SLC24A4: variants seen among roughly 807,000 people sequenced by gnomAD.
SLC24A4 encodes the protein solute carrier family 24 member 4.
In SLC24A4, 53 loss-of-function variants were observed where a neutral mutation model predicts 79.0. The observed-to-expected ratio is 0.67, with a 90% CI of 0.54 to 0.84. The LOEUF (loss-of-function observed/expected upper bound fraction) is 0.84. SLC24A4 is among the 40% of genes least tolerant of loss of function. SLC24A4 has a pLI of 0.00. For synonymous variants in SLC24A4, 323 were observed against 323.8 expected (o/e 1.00, Z 0.03); for missense variants, 731 against 822.0 (o/e 0.89, Z 1.35).
At chr14:92,415,893 G>A (rs957829735) in intron 2 of SLC24A4, among the ~76,000 whole-genome samples, 3 of 152,082 alleles carry the variant, frequency 2.0e-5, no homozygotes, top group African/African-American at 7.2e-5. Flanking sequence ...CACTGAACCC[G>A]ATTTGTAACC....
chr14:92,412,880 G>A (rs1398487646), intron 2 of SLC24A4, among the ~76,000 whole-genome samples: 1 of 152,132 alleles, frequency 6.6e-6, no homozygotes, highest in East Asian at 1.9e-4. Flanking sequence ...GCCAAAAATG[G>A]TTTCTACGTT....
rs199580422 is a variant in SLC24A4 at position 92,486,705 on chromosome 14, A to T, written c.1462A>T (p.Ile488Phe). 177 of 1,614,018 alleles carry T rather than the reference A, an allele frequency of 1.1e-4. No individual in the cohort carries two copies. The highest frequency in any genetic ancestry group is 1.4e-4 in the Non-Finnish European group (163 of 1,180,004). ...IGYTLGIPDV[I>F]MGITFLAAGT... Reference sequence around the variant, plus strand: ...ATACACACTTGGGATCCCGGATGTCATCATGGGCATTACTTTCCTGGCAGC... The same window carrying T: ...ATACACACTTGGGATCCCGGATGTCTTCATGGGCATTACTTTCCTGGCAGC... Residue 488 changes from isoleucine (I) to phenylalanine (F), a missense_variant, in exon 14 of 17, where the codon ATC (isoleucine) becomes TTC (phenylalanine). Physicochemically the swap from Ile to Phe is conservative, Grantham distance 21. Transcript: ENST00000532405.
chr14:92,347,141 C>T (rs868015178), intron 2 of SLC24A4, among the ~76,000 whole-genome samples: 4 of 152,190 alleles, frequency 2.6e-5, no homozygotes, highest in Non-Finnish European at 5.9e-5. Context: ...GGCCCTTCAG[C>T]GGGTTCTGAT....
At chr14:92,363,704 T>A (rs1295412005) in intron 2 of SLC24A4, among the ~76,000 whole-genome samples, 2 of 151,992 alleles carry the variant, frequency 1.3e-5, no homozygotes, top group Non-Finnish European at 2.9e-5. Flanking sequence ...GTGGCACGCA[T>A]CTGTGGTCTC....
intron 2 of SLC24A4, among the ~76,000 whole-genome samples, chr14:92,399,506 A>G (rs1330862646): frequency 6.6e-6 from 1 of 152,238 alleles, no homozygotes; most frequent in Non-Finnish European, 1.5e-5. Context: ...ATGTTACCTA[A>G]GGGAGAAATC....
chr14:92,438,441 T>C (rs2402147), intron 3 of SLC24A4, among the ~76,000 whole-genome samples: 3,356 of 152,048 alleles, frequency 0.022, 109 homozygotes, highest in African/African-American at 0.07. Context: ...CCCCCCGCCA[T>C]CTCTACAAAA....
intron 7 of SLC24A4, 59 bp from the exon 8 acceptor site, chr14:92,445,258 T>C: frequency 5.6e-6 from 9 of 1,604,710 alleles, no homozygotes; most frequent in Non-Finnish European, 7.7e-6. Context: ...TCCGTGCTTG[T>C]TCTTGTTTGG....
intron 7 of SLC24A4, among the ~76,000 whole-genome samples, chr14:92,443,699 C>T (rs767748864): frequency 6.6e-6 from 1 of 152,214 alleles, no homozygotes; most frequent in Non-Finnish European, 1.5e-5. Context: ...CCACAGAAAG[C>T]AGGAGAGAAT....
intron 2 of SLC24A4, among the ~76,000 whole-genome samples, chr14:92,400,142 A>G (rs1461632862): frequency 6.6e-6 from 1 of 152,158 alleles, no homozygotes; most frequent in African/African-American, 2.4e-5. Flanking sequence ...GATAAACTGG[A>G]AAAAATCAGA....
chr14:92,397,969 T>C (rs1261929355), intron 2 of SLC24A4, among the ~76,000 whole-genome samples: 1 of 152,186 alleles, frequency 6.6e-6, no homozygotes, highest in Non-Finnish European at 1.5e-5. Context: ...CCCCTCCCAG[T>C]GTCCTCACTG....
At chr14:92,448,345 TACACACACACACACAC>T (rs71877757) in intron 9 of SLC24A4, among the ~76,000 whole-genome samples, 3 of 131,952 alleles carry the variant, frequency 2.3e-5, no homozygotes, top group East Asian at 2.2e-4. Flanking sequence ...TCCCACTACA[TACACACACACACACAC>T]ACACACACAC....
At position 92,498,890 on chromosome 14, in the gene SLC24A4, GT is replaced by G. The variant is rs1896033554; in HGVS notation, c.*5263del. The G allele has an allele frequency of 6.6e-6, 1 of 152,276 alleles. No individual in the cohort carries two copies. Among genetic ancestry groups the G allele is most frequent in the Non-Finnish European group, 1.5e-5 (1 of 68,064 alleles). The allele number at this position is 152,276 out of a possible 1,614,324, so 9.4% of individuals were successfully genotyped here. A position where few individuals can be genotyped will look rare whatever the true frequency, so the allele number is the denominator to read the frequency against. ...AGTTTTGTGCTCAGCTTTAGGCCGG[GT>G]AGCTAATGGGAGGATGTCCAGCCTG... On this transcript the variant is annotated 3_prime_UTR_variant, in exon 17 of 17. Coordinates refer to ENST00000532405, the MANE Select transcript of SLC24A4 (RefSeq NM_153646.4).
chr14:92,433,899 T>G lies in SLC24A4; in HGVS notation c.242-13T>G, dbSNP rs757669595. 1 of 1,613,030 alleles carries G rather than the reference T, an allele frequency of 6.2e-7. No homozygotes were observed. The highest frequency in any genetic ancestry group is 8.5e-7 in the Non-Finnish European group (1 of 1,179,016). On this transcript the variant is annotated splice_polypyrimidine_tract_variant and intron_variant, in intron 2 of 16. Transcript: ENST00000532405. ...AGATAACTAACACTCTGCCATCTCT[T>G]CCTGTCTTCCAGCGATTCACGAGTT... is the stretch of plus-strand genomic sequence containing the variant.
At chr14:92,332,956 G>A (rs1885562058) in intron 2 of SLC24A4, among the ~76,000 whole-genome samples, 1 of 152,138 alleles carries the variant, frequency 6.6e-6, no homozygotes, top group African/African-American at 2.4e-5. Flanking sequence ...GATGCTGGAG[G>A]ATGGCCTACC....
At chr14:92,360,061 G>GGTGT in intron 2 of SLC24A4, among the ~76,000 whole-genome samples, 2 of 152,274 alleles carry the variant, frequency 1.3e-5, no homozygotes, top group East Asian at 3.9e-4. Flanking sequence ...TAAGATTATA[G>GGTGT]GTGTGCACCA....
chr14:92,470,334 C>T (rs1894368581), intron 12 of SLC24A4, among the ~76,000 whole-genome samples: 1 of 152,188 alleles, frequency 6.6e-6, no homozygotes, highest in South Asian at 2.1e-4. Context: ...CAGGTCCATG[C>T]AAATCTACTC....
chr14:92,324,038 T>C, intron 1 of SLC24A4, 78 bp downstream of exon 1: 1 of 1,532,144 alleles, frequency 6.5e-7, no homozygotes, highest in Non-Finnish European at 8.8e-7. Context: ...CTGCGAGATG[T>C]TTTCCCCTCC....
intron 16 of SLC24A4, among the ~76,000 whole-genome samples, chr14:92,493,221 C>T (rs112177528): frequency 4.3e-4 from 66 of 152,220 alleles, no homozygotes; most frequent in African/African-American, 1.2e-3. Context: ...TGGGGAGGGC[C>T]GGTCCCATGA....
chr14:92,433,886 C>G (rs751122926), intron 2 of SLC24A4, 26 bp from the exon 3 acceptor site: 2 of 1,603,350 alleles, frequency 1.2e-6, no homozygotes, highest in Non-Finnish European at 1.7e-6. Flanking sequence ...ATAACTAACA[C>G]TCTGCCATCT....
Sources: allele counts gnomAD v4.1 joint callset (sites outside exome capture counted in the v4.1 genomes callset), GRCh38; gene constraint gnomAD v4.1.1; transcripts MANE v1.5; gene names NCBI Gene and HGNC (gene_info 2026-07-23, HGNC 2026-07-21).